The following TANC2 variants were observed in gnomAD, a reference collection of about 807,000 sequenced individuals.
TANC2 encodes the protein tetratricopeptide repeat, ankyrin repeat and coiled-coil containing 2.
Under a neutral mutation model 210.5 loss-of-function variants are expected in TANC2, and 26 were observed. That is an observed-to-expected ratio of 0.12 (90% CI 0.09 to 0.17). The LOEUF is 0.17. TANC2 is among the 10% of genes least tolerant of loss of function. TANC2 has a pLI of 1.00. For synonymous variants in TANC2, 931 were observed against 967.1 expected (o/e 0.96, Z 0.69); for missense variants, 2,129 against 2,608.9 (o/e 0.82, Z 4.01).
At chr17:63,355,427 GT>G in intron 14 of TANC2, 37 bp downstream of exon 14, 1 of 1,495,176 alleles carries the variant, frequency 6.7e-7, no homozygotes, top group South Asian at 1.4e-5. Flanking sequence ...TTCTGAGTCT[GT>G]TTTCTGTTTA....
chr17:63,073,055 T>C (rs1472986798), intron 2 of TANC2, among the ~76,000 whole-genome samples: 2 of 152,184 alleles, frequency 1.3e-5, no homozygotes, highest in East Asian at 1.9e-4. Context: ...ATAAGACAAG[T>C]GATTGTATGA....
At chr17:63,093,775 T>G (rs2144835523) in intron 3 of TANC2, among the ~76,000 whole-genome samples, 1 of 152,216 alleles carries the variant, frequency 6.6e-6, no homozygotes, top group South Asian at 2.1e-4. Flanking sequence ...TTAGCATTTT[T>G]GGGTTTTGTT....
At chr17:63,020,512 C>G (rs1190679927) in intron 2 of TANC2, among the ~76,000 whole-genome samples, 1 of 151,944 alleles carries the variant, frequency 6.6e-6, no homozygotes, top group Non-Finnish European at 1.5e-5. Context: ...ATGATGTTGC[C>G]CAGGCAGAAG....
intron 2 of TANC2, among the ~76,000 whole-genome samples, chr17:63,017,987 A>C (rs1216538446): frequency 6.6e-6 from 1 of 152,034 alleles, no homozygotes; most frequent in Non-Finnish European, 1.5e-5. Flanking sequence ...AAAAAAAAGA[A>C]TTAAAAAATA....
intron 1 of TANC2, among the ~76,000 whole-genome samples, chr17:62,983,118 A>C (rs960726591): frequency 6.6e-6 from 1 of 152,042 alleles, no homozygotes; most frequent in Non-Finnish European, 1.5e-5. Flanking sequence ...ATGCTCTTCA[A>C]TTTTGTTCAT....
At chr17:63,304,653 G>A (rs1248104622) in intron 9 of TANC2, among the ~76,000 whole-genome samples, 1 of 152,132 alleles carries the variant, frequency 6.6e-6, no homozygotes, top group East Asian at 1.9e-4. Context: ...GCCTTGTCTG[G>A]GCTCCCTGGA....
At chr17:63,138,577 A>G (rs1376675712) in intron 4 of TANC2, among the ~76,000 whole-genome samples, 3 of 151,996 alleles carry the variant, frequency 2.0e-5, no homozygotes, top group Non-Finnish European at 4.4e-5. Flanking sequence ...CTTCTTGTCA[A>G]TCTGTATTCT....
intron 7 of TANC2, among the ~76,000 whole-genome samples, chr17:63,227,037 A>G (rs1194060923): frequency 6.6e-6 from 1 of 152,062 alleles, no homozygotes; most frequent in African/African-American, 2.4e-5. Flanking sequence ...TATCTTTGCT[A>G]TTGTGAATAG....
Position 62,994,692 on chromosome 17 carries a change from G to A in TANC2, c.-23-14845G>A, listed in dbSNP as rs552780288. ...ATGCTGAACCAACCTTGTATTCCTAGGATTCACTTACCAGTTCTTGAGTTT... is the reference window on the plus strand; with the variant it reads ...ATGCTGAACCAACCTTGTATTCCTAAGATTCACTTACCAGTTCTTGAGTTT... On this transcript the variant is annotated intron_variant, in intron 1 of 27. Transcript: ENST00000689528. Among the ~76,000 whole-genome samples, 7 of 152,114 alleles carry A rather than the reference G, an allele frequency of 4.6e-5. No individual in the cohort carries two copies. The South Asian group carries it at 1.5e-3, about 32-fold the overall frequency.
chr17:63,099,794 A>G (rs2037556681), intron 4 of TANC2, among the ~76,000 whole-genome samples: 1 of 152,082 alleles, frequency 6.6e-6, no homozygotes, highest in Admixed American at 6.6e-5. Context: ...TATTTTTTTA[A>G]AAGATAATTT....
At chr17:63,075,523 AAAG>A (rs2036539350) in intron 3 of TANC2, among the ~76,000 whole-genome samples, 1 of 150,830 alleles carries the variant, frequency 6.6e-6, no homozygotes, top group Non-Finnish European at 1.5e-5. Context: ...TCTTTATTCA[AAAG>A]AAATATATAT....
At chr17:63,010,776 A>G (rs146006245) in intron 2 of TANC2, among the ~76,000 whole-genome samples, 2 of 152,298 alleles carry the variant, frequency 1.3e-5, no homozygotes, top group South Asian at 2.1e-4. Flanking sequence ...TTATTGGCCT[A>G]TTAAAGAATA....
intron 14 of TANC2, among the ~76,000 whole-genome samples, chr17:63,359,880 G>C: frequency 6.6e-6 from 1 of 152,184 alleles, no homozygotes; most frequent in Non-Finnish European, 1.5e-5. Flanking sequence ...TGGGATAGTT[G>C]AGTACTTACT....
At chr17:63,314,327 T>C in intron 9 of TANC2, 61 bp from the exon 10 acceptor site, 1 of 1,578,566 alleles carries the variant, frequency 6.3e-7, no homozygotes, top group South Asian at 1.2e-5. Context: ...ATTTTTTCTC[T>C]CTTTGTTTCT....
At chr17:63,301,077 T>C (rs1240151378) in intron 9 of TANC2, among the ~76,000 whole-genome samples, 2 of 152,148 alleles carry the variant, frequency 1.3e-5, no homozygotes, top group Non-Finnish European at 2.9e-5. Flanking sequence ...TGATAGATTA[T>C]GTTTATTGAT....
At chr17:63,385,489 C>A in intron 15 of TANC2, among the ~76,000 whole-genome samples, 1 of 152,214 alleles carries the variant, frequency 6.6e-6, no homozygotes, top group East Asian at 1.9e-4. Flanking sequence ...TGGAACTATT[C>A]TATTTCATAT....
chr17:63,074,586 T>C (rs1406745957), intron 3 of TANC2, among the ~76,000 whole-genome samples: 2 of 152,154 alleles, frequency 1.3e-5, no homozygotes, highest in Non-Finnish European at 2.9e-5. Flanking sequence ...GACCACCAGC[T>C]CTCTATTCCT....
At chr17:63,205,353 A>AAAAAC (rs2041670548) in intron 7 of TANC2, among the ~76,000 whole-genome samples, 2 of 145,372 alleles carry the variant, frequency 1.4e-5, no homozygotes, top group African/African-American at 5.0e-5. Flanking sequence ...GCAAAAAAAA[A>AAAAAC]AAAAAAAAAA....
intron 7 of TANC2, among the ~76,000 whole-genome samples, chr17:63,214,140 T>C (rs2041963576): frequency 6.6e-6 from 1 of 152,172 alleles, no homozygotes; most frequent in Non-Finnish European, 1.5e-5. Flanking sequence ...GCCTGGTGAG[T>C]ATTATCTCCC....
Sources: gnomAD v4.1 joint callset for allele counts (sites outside exome capture counted in the v4.1 genomes callset) on GRCh38, gnomAD v4.1.1 for gene constraint, MANE v1.5 for transcripts, NCBI Gene and HGNC (gene_info 2026-07-23, HGNC 2026-07-21) for gene names.